The following GPHN variants were observed in gnomAD, a reference collection of about 807,000 sequenced individuals.
The protein encoded by GPHN is gephyrin.
A neutral mutation model predicts 95.5 loss-of-function variants in GPHN; 17 were observed. The observed-to-expected ratio is 0.18, with a 90% CI of 0.12 to 0.27. GPHN has a LOEUF of 0.27. Ranked by LOEUF, GPHN falls within the 10% of genes least tolerant of loss-of-function variation. The pLI is 1.00. For missense variants in GPHN, 660 were observed against 978.1 expected (o/e 0.67, Z 4.34); for synonymous variants, 320 against 322.5 (o/e 0.99, Z 0.08).
At position 67,179,506 on chromosome 14, in the gene GPHN, C is replaced by A. The variant is rs2083207785; in HGVS notation, c.2080-72C>A. 17 of 853,200 alleles carry A rather than the reference C, an allele frequency of 2.0e-5. No individual in the cohort carries two copies. The South Asian group carries it at 2.3e-4, about 12-fold the overall frequency. 52.9% of individuals were successfully genotyped at this position (853,200 alleles called of 1,614,324 possible). ...CATGTCCACTGTATTCTTTGCACAA[C>A]CCCTACTATCTTGTATTTTTGTGAG... On this transcript the variant is annotated intron_variant, in intron 21 of 22. Coordinates refer to ENST00000478722, the MANE Select transcript of GPHN (RefSeq NM_020806.5).
chr14:67,436,277 A>C, the GPHN span, among the ~76,000 whole-genome samples: 1 of 152,156 alleles, frequency 6.6e-6, no homozygotes, highest in African/African-American at 2.4e-5. Context: ...GGGAGGGGAG[A>C]GTTCACTCTA....
At chr14:67,398,678 T>C in the GPHN span, among the ~76,000 whole-genome samples, 1 of 151,302 alleles carries the variant, frequency 6.6e-6, no homozygotes, top group African/African-American at 2.4e-5. Context: ...CTAAACTACT[T>C]CCCGAGTGGC....
intron 10 of GPHN, 97 bp from the exon 11 acceptor site, chr14:67,058,552 G>A: frequency 1.9e-6 from 2 of 1,035,796 alleles, no homozygotes; most frequent in Non-Finnish European, 1.5e-6. Context: ...CTTCATCTGG[G>A]GACATTTGAA....
the GPHN span, chr14:67,312,688 A>G: frequency 2.0e-5 from 33 of 1,610,172 alleles, no homozygotes; most frequent in Middle Eastern, 1.6e-4. Flanking sequence ...AAGATAATCA[A>G]CCTCTAGCCG....
chr14:66,586,947 A>G (rs1398073596), intron 1 of GPHN, among the ~76,000 whole-genome samples: 1 of 152,194 alleles, frequency 6.6e-6, no homozygotes, highest in African/African-American at 2.4e-5. Flanking sequence ...AATAGGAAAG[A>G]TGAACAAAAC....
chr14:67,430,700 C>T, the GPHN span, among the ~76,000 whole-genome samples: 3 of 152,064 alleles, frequency 2.0e-5, no homozygotes, highest in Admixed American at 1.3e-4. Context: ...CAATATCAGG[C>T]GCTGCCCCAG....
intron 3 of GPHN, among the ~76,000 whole-genome samples, chr14:66,785,937 A>G (rs2059760361): frequency 6.6e-6 from 1 of 152,168 alleles, no homozygotes; most frequent in African/African-American, 2.4e-5. Flanking sequence ...CAAAGCAGAC[A>G]TTAAGAGAAG....
the GPHN span, among the ~76,000 whole-genome samples, chr14:67,416,810 G>A: frequency 1.3e-5 from 2 of 152,176 alleles, no homozygotes; most frequent in East Asian, 1.9e-4. Flanking sequence ...TACTAATTCC[G>A]GGGACACTGC....
chr14:66,585,857 T>C (rs1161787060), intron 1 of GPHN, among the ~76,000 whole-genome samples: 10 of 152,310 alleles, frequency 6.6e-5, no homozygotes, highest in East Asian at 5.8e-4. Context: ...GAGAAGAATA[T>C]ATATTCTGTT....
chr14:66,812,032 G>T (rs1234507462), intron 3 of GPHN, among the ~76,000 whole-genome samples: 4 of 152,176 alleles, frequency 2.6e-5, no homozygotes, highest in African/African-American at 9.7e-5. Context: ...GGCCTAACTG[G>T]CAGCTAAAAC....
chr14:67,252,366 G>T, the GPHN span, among the ~76,000 whole-genome samples: 1 of 152,032 alleles, frequency 6.6e-6, no homozygotes, highest in Non-Finnish European at 1.5e-5. Flanking sequence ...AGCTGCCCAG[G>T]CTGGTCTTAA....
chr14:67,199,986 G>T, the GPHN span: 1 of 1,101,204 alleles, frequency 9.1e-7, no homozygotes, highest in Non-Finnish European at 1.3e-6. Context: ...TGTCTCAGAT[G>T]CAGCTGGCAC....
At chr14:67,473,386 T>A in the GPHN span, 1 of 1,604,362 alleles carries the variant, frequency 6.2e-7, no homozygotes, top group Non-Finnish European at 8.5e-7. The surrounding 1 kb of genome is among the most constrained non-coding windows in gnomAD (Gnocchi z 6.5). Context: ...ATGAGTTCCA[T>A]GAGAGATCCC....
At chr14:67,249,584 A>G in the GPHN span, among the ~76,000 whole-genome samples, 584 of 152,370 alleles carry the variant, frequency 3.8e-3, 6 homozygotes, top group African/African-American at 0.013. Flanking sequence ...TACAGTTTGT[A>G]GTATATCTAA....
At chr14:66,957,449 G>A (rs1252881868) in intron 8 of GPHN, among the ~76,000 whole-genome samples, 1 of 151,800 alleles carries the variant, frequency 6.6e-6, no homozygotes, top group African/African-American at 2.4e-5. Context: ...ACCCACCTCG[G>A]CCTCCCAAAT....
intron 1 of GPHN, among the ~76,000 whole-genome samples, chr14:66,625,402 A>G (rs994830760): frequency 2.0e-5 from 3 of 151,918 alleles, no homozygotes; most frequent in East Asian, 1.9e-4. Context: ...AAATTTTCAT[A>G]TATTATTTAC....
At chr14:67,411,319 T>C in the GPHN span, among the ~76,000 whole-genome samples, 143 of 152,186 alleles carry the variant, frequency 9.4e-4, no homozygotes, top group Non-Finnish European at 8.4e-4. Context: ...GGTCAGAACA[T>C]GCAGTTCCTG....
At chr14:67,382,321 T>C in the GPHN span, 48 of 792,570 alleles carry the variant, frequency 6.1e-5, no homozygotes, top group Non-Finnish European at 9.3e-5. Context: ...ATTACTGTCC[T>C]GTAGAATTGG....
the GPHN span, among the ~76,000 whole-genome samples, chr14:67,389,232 T>C: frequency 6.6e-6 from 1 of 151,996 alleles, no homozygotes; most frequent in Admixed American, 6.6e-5. Flanking sequence ...AATAAAATAC[T>C]GGAAATATTT....
Sources: allele counts gnomAD v4.1 joint callset (sites outside exome capture counted in the v4.1 genomes callset), GRCh38; gene constraint gnomAD v4.1.1; non-coding constraint Gnocchi (gnomAD v3.1); transcripts MANE v1.5; gene names NCBI Gene and HGNC (gene_info 2026-07-23, HGNC 2026-07-21).